The following DRC1 variants were observed in gnomAD, a reference collection of about 807,000 sequenced individuals.
DRC1 encodes the protein dynein regulatory complex subunit 1.
In DRC1, 74 loss-of-function variants were observed where a neutral mutation model predicts 98.7. The ratio of observed to expected loss-of-function variants is 0.75; its 90% CI spans 0.62 to 0.91. DRC1 has a LOEUF of 0.91. Ranked by LOEUF, DRC1 falls within the 40% of genes least tolerant of loss-of-function variation. DRC1 has a pLI of 0.00. For missense variants in DRC1, 875 were observed against 886.0 expected, an observed-to-expected ratio of 0.99 and a Z score of 0.16; for synonymous variants, 336 against 334.1, an observed-to-expected ratio of 1.01 and a Z score of -0.06.
rs1663816454 is a variant in DRC1 at position 26,444,957 on chromosome 2, A to T, written c.1396+9A>T. 2 of 1,613,418 alleles carry T rather than the reference A, an allele frequency of 1.2e-6. No individual in the cohort carries two copies. The highest frequency in any genetic ancestry group is 2.2e-5 in the South Asian group (2 of 90,982). On this transcript the variant is annotated intron_variant, in intron 10 of 16. Coordinates refer to ENST00000288710, the MANE Select transcript of DRC1 (RefSeq NM_145038.5). ...AATGCTTATGCGCTCAGGTGACTAG[A>T]ACACTGTCATAGAGCCTTAGAGCTG...
Position 26,429,677 on chromosome 2 carries a change from C to T in DRC1, c.590C>T (p.Ser197Leu). The T allele has an allele frequency of 6.2e-7, 1 of 1,614,104 alleles. No individual in the cohort carries two copies. Among genetic ancestry groups the T allele is most frequent in the Non-Finnish European group, 8.5e-7 (1 of 1,180,008 alleles). ...TATGTGAAGGATTTGAAGAAACAGT[C>T]AGATGACATCTGCCTGCTTCTGGAG... ...DQYVKDLKKQSDDICLLLERM... is the reference protein window; with the variant it reads ...DQYVKDLKKQLDDICLLLERM... The change falls in exon 5 of 17, where the codon TCA becomes TTA. Residue 197 changes from serine (S) to leucine (L), a missense_variant. Coordinates refer to ENST00000288710, the MANE Select transcript of DRC1 (RefSeq NM_145038.5).
At chr2:26,403,960 C>G (rs966701120) in intron 1 of DRC1, among the ~76,000 whole-genome samples, 11 of 150,646 alleles carry the variant, frequency 7.3e-5, no homozygotes, top group Non-Finnish European at 1.2e-4. Flanking sequence ...ATTAGCCAGG[C>G]ATGGTGGCGC....
chr2:26,435,022 C>T (rs1000584880), intron 7 of DRC1, among the ~76,000 whole-genome samples: 1 of 152,110 alleles, frequency 6.6e-6, no homozygotes, highest in Admixed American at 6.6e-5. Context: ...ATCCTGCAGG[C>T]CCAGTTTAGG....
chr2:26,454,848 T>C lies in DRC1; in HGVS notation c.2063+58T>C. On this transcript the variant is annotated intron_variant, in intron 15 of 16. Transcript: ENST00000288710. This position sits in a 1 kb window ranked among gnomAD's most constrained non-coding sequence, Gnocchi z 5.2. ...TGGCGGGCAGGTGAGGAACGGTTGT[T>C]GGGAGCAGCCGCGTTTGCTGCCTCC... 6.2e-7 allele frequency: 1 copy of C among 1,608,956 alleles called. No individual in the cohort carries two copies. The highest frequency in any genetic ancestry group is 8.5e-7 in the Non-Finnish European group (1 of 1,176,860).
chr2:26,411,440 A>G lies in DRC1; in HGVS notation c.156-2904A>G, dbSNP rs1355406210. On this transcript the variant is annotated intron_variant, in intron 1 of 16. Transcript: ENST00000288710. ...AGAGTGTATTTTACACTCATAGCGC[A>G]TTTCAATTTGCACCAGGCACATTTC... Among the ~76,000 whole-genome samples, 5 of 152,210 alleles carry G rather than the reference A, an allele frequency of 3.3e-5. No individual in the cohort carries two copies. In the East Asian group the frequency reaches 7.7e-4, roughly 23 times the overall value.
At chr2:26,408,761 A>G (rs1028061163) in intron 1 of DRC1, among the ~76,000 whole-genome samples, 4 of 151,846 alleles carry the variant, frequency 2.6e-5, no homozygotes, top group Non-Finnish European at 5.9e-5. Flanking sequence ...ACAGAGGGAG[A>G]CTCTGTCTCA....
At chr2:26,455,310 A>G (rs1252624153) in intron 16 of DRC1, 77 bp downstream of exon 16, 35 of 1,376,182 alleles carry the variant, frequency 2.5e-5, no homozygotes, top group Non-Finnish European at 3.2e-5. Flanking sequence ...GGATTAGGGA[A>G]CGAGGAGTCC....
At chr2:26,405,318 C>A (rs1050547593) in intron 1 of DRC1, among the ~76,000 whole-genome samples, 4 of 152,146 alleles carry the variant, frequency 2.6e-5, no homozygotes. Context: ...CTACTCTGAC[C>A]TTGGCAGTTG....
intron 1 of DRC1, among the ~76,000 whole-genome samples, chr2:26,414,021 C>T (rs768914991): frequency 6.6e-6 from 1 of 151,422 alleles, no homozygotes; most frequent in African/African-American, 2.4e-5. Context: ...CCTCCCAAAG[C>T]GCTGGGATTA....
intron 1 of DRC1, among the ~76,000 whole-genome samples, chr2:26,409,765 A>C (rs1302731883): frequency 2.6e-5 from 4 of 152,210 alleles, no homozygotes; most frequent in Non-Finnish European, 5.9e-5. Flanking sequence ...GATTTTTTCC[A>C]CGTAAAACAG....
chr2:26,404,558 G>T (rs528485471), intron 1 of DRC1, among the ~76,000 whole-genome samples: 105 of 152,268 alleles, frequency 6.9e-4, no homozygotes, highest in African/African-American at 2.3e-3. Context: ...CCAGACCCAT[G>T]AATTAAAAGG....
intron 2 of DRC1, 61 bp from the exon 3 acceptor site, chr2:26,421,227 G>T: frequency 1.3e-6 from 2 of 1,500,788 alleles, no homozygotes; most frequent in South Asian, 2.4e-5. Flanking sequence ...AAATGTTTCA[G>T]ACTTTATATA....
At chr2:26,449,868 G>T in intron 11 of DRC1, 128 bp from the exon 12 acceptor site, 2 of 778,206 alleles carry the variant, frequency 2.6e-6, no homozygotes, top group South Asian at 3.6e-5. Flanking sequence ...GCCCACTGCT[G>T]GCTCCCATCC....
At chr2:26,453,256 C>A in intron 13 of DRC1, 64 bp from the exon 14 acceptor site, 2 of 1,569,274 alleles carry the variant, frequency 1.3e-6, no homozygotes, top group Non-Finnish European at 8.7e-7. Flanking sequence ...CTTCTTCCTG[C>A]CTCTCTCTCC....
At chr2:26,406,344 C>T (rs757961635) in intron 1 of DRC1, among the ~76,000 whole-genome samples, 2 of 152,168 alleles carry the variant, frequency 1.3e-5, no homozygotes, top group Admixed American at 6.5e-5. Flanking sequence ...ATACCCACTG[C>T]TGTTGCTGCC....
chr2:26,418,103 A>G (rs1219630953), intron 2 of DRC1, among the ~76,000 whole-genome samples: 1 of 151,968 alleles, frequency 6.6e-6, no homozygotes, highest in Admixed American at 6.6e-5. Context: ...ACATCCCCTC[A>G]AGTAGACTTG....
chr2:26,421,383 G>C lies in DRC1; in HGVS notation c.339G>C (p.Glu113Asp). Residue 113 changes from glutamate to aspartate, a missense_variant, in exon 3 of 17, where the codon GAG becomes GAC. Coordinates refer to ENST00000288710, the MANE Select transcript of DRC1 (RefSeq NM_145038.5). ...IREIHRRVEE[E>D]EIKRQRIEKL... The stretch of plus-strand genomic sequence containing the variant: ...AGATTCACAGGAGAGTCGAAGAAGA[G>C]GAGATAAAGCGTCAAAGGTAAGGAC... 6.2e-7 allele frequency: 1 copy of C among 1,613,112 alleles called. No homozygotes were observed. Among genetic ancestry groups the C allele is most frequent in the Non-Finnish European group, 8.5e-7 (1 of 1,179,404 alleles).
intron 4 of DRC1, 35 bp downstream of exon 4, chr2:26,424,489 G>A (rs1319439009): frequency 3.2e-6 from 5 of 1,577,772 alleles, no homozygotes; most frequent in Non-Finnish European, 4.3e-6. Flanking sequence ...CAGCCACAGG[G>A]GATCTGCCTG....
chr2:26,430,961 T>TTC, intron 6 of DRC1, 89 bp downstream of exon 6: 1 of 959,884 alleles, frequency 1.0e-6, no homozygotes, highest in South Asian at 2.1e-5. Flanking sequence ...TTTCTATCTT[T>TTC]TTTTTTTTTT....
Sources: gnomAD v4.1 joint callset for allele counts (sites outside exome capture counted in the v4.1 genomes callset) on GRCh38, gnomAD v4.1.1 for gene constraint, Gnocchi (gnomAD v3.1) non-coding constraint, MANE v1.5 for transcripts, NCBI Gene and HGNC (gene_info 2026-07-23, HGNC 2026-07-21) for gene names.